SEM1: variants seen among roughly 807,000 people sequenced by gnomAD.
The protein encoded by SEM1 is SEM1 26S proteasome subunit, also known as 26S proteasome complex subunit SEM1.
In SEM1, 3 loss-of-function variants were observed where a neutral mutation model predicts 12.7. The observed-to-expected ratio is 0.24, with a 90% CI of 0.11 to 0.61. The LOEUF is 0.61. Among genes scored for constraint, SEM1 ranks in the 20% least tolerant of loss-of-function variants. The probability of loss-of-function intolerance (pLI) is 0.88; values close to 1 mark genes in which losing one functional copy is unlikely to be tolerated. For missense variants in SEM1, 59 were observed against 81.3 expected, an observed-to-expected ratio of 0.73 and a Z score of 1.06; for synonymous variants, 30 against 27.8, an observed-to-expected ratio of 1.08 and a Z score of -0.25.
At chr7:96,680,714 C>T (rs192844475) in intron 2 of SEM1, among the ~76,000 whole-genome samples, 4 of 152,130 alleles carry the variant, frequency 2.6e-5, no homozygotes, top group African/African-American at 7.2e-5. Flanking sequence ...AACATTATAG[C>T]GATTCTACCT....
intron 2 of SEM1, among the ~76,000 whole-genome samples, chr7:96,581,615 C>T (rs1307401905): frequency 6.6e-6 from 1 of 152,096 alleles, no homozygotes; most frequent in Non-Finnish European, 1.5e-5. Context: ...ATGGAATGTT[C>T]TTCCATTTCT....
intron 2 of SEM1, among the ~76,000 whole-genome samples, chr7:96,560,769 C>T (rs1805667953): frequency 6.6e-6 from 1 of 151,210 alleles, no homozygotes. Context: ...AATTGTTAAC[C>T]CCTATGGCAG....
At chr7:96,708,765 G>T (rs1204261837) in intron 1 of SEM1, among the ~76,000 whole-genome samples, 3 of 152,070 alleles carry the variant, frequency 2.0e-5, no homozygotes, top group African/African-American at 7.2e-5. Flanking sequence ...TAACCATTCC[G>T]AGCTTCAGTT....
chr7:96,501,241 C>T (rs10808100), upstream of SEM1, among the ~76,000 whole-genome samples: 109,342 of 151,984 alleles, frequency 0.72, 39,797 homozygotes, highest in East Asian at 0.87. Flanking sequence ...CTGAAAGCTA[C>T]GATGACATCC....
At chr7:96,684,440 TGAAA>T (rs1789703550), downstream of SEM1, among the ~76,000 whole-genome samples, 1 of 150,562 alleles carries the variant, frequency 6.6e-6, no homozygotes, top group Non-Finnish European at 1.5e-5. Flanking sequence ...TTGGCCCATG[TGAAA>T]GAAAGATGGA....
Position 96,703,579 on chromosome 7 carries a change from G to GA in SEM1, c.76+6108dup, listed in dbSNP as rs568099909. On this transcript the variant is annotated intron_variant, in intron 1 of 2. Transcript: ENST00000248566. Reference sequence around the variant, plus strand: ...GTAAACATATTCATTATCTGTAACAGAAAAAAAACAACAAAACCCAAGCAA... The same window carrying GA: ...GTAAACATATTCATTATCTGTAACAGAAAAAAAAACAACAAAACCCAAGCAA... Among the ~76,000 whole-genome samples the GA allele has an allele frequency of 2.1e-3, 321 of 149,756 alleles. 2 individuals are homozygous for GA. The highest frequency in any genetic ancestry group is 7.0e-3 in the Middle Eastern group (2 of 284).
rs939019663 is a variant in SEM1, at chr7:96,565,306, T to C, written c.171-58608A>G. Reference sequence around the variant, plus strand: ...AGAAAGTGAATTTACAAGCAAAGAGTTAGGTACTTTGTGCTCTAAAACTTC... The same window carrying C: ...AGAAAGTGAATTTACAAGCAAAGAGCTAGGTACTTTGTGCTCTAAAACTTC... On this transcript the variant is annotated intron_variant and NMD_transcript_variant, in intron 2 of 3. Transcript: ENST00000466986. Among the ~76,000 whole-genome samples, 141 of 151,848 alleles carry C rather than the reference T, an allele frequency of 9.3e-4. 1 individual carries two copies. Among genetic ancestry groups the C allele is most frequent in the Middle Eastern group, 3.4e-3 (1 of 294 alleles).
At chr7:96,659,779 GAATA>G (rs1788925352) in intron 2 of SEM1, among the ~76,000 whole-genome samples, 2 of 151,458 alleles carry the variant, frequency 1.3e-5, no homozygotes, top group Admixed American at 1.3e-4. Context: ...GAAATGAAAT[GAATA>G]CTTACAAACT....
chr7:96,505,264 G>A (rs1207573778), intron 3 of SEM1, among the ~76,000 whole-genome samples: 1 of 151,988 alleles, frequency 6.6e-6, no homozygotes, highest in East Asian at 1.9e-4. Context: ...ACCACGCCCA[G>A]CTAATTTTTT....
intron 2 of SEM1, among the ~76,000 whole-genome samples, chr7:96,520,599 C>T (rs533301709): frequency 6.6e-6 from 1 of 152,210 alleles, no homozygotes; most frequent in Middle Eastern, 3.4e-3. Context: ...CCTTGGTCCC[C>T]CAGTAAGGCT....
intron 2 of SEM1, among the ~76,000 whole-genome samples, chr7:96,603,578 G>A (rs567322217): frequency 1.3e-5 from 2 of 152,100 alleles, no homozygotes; most frequent in South Asian, 4.2e-4. Context: ...ACATAAAAAA[G>A]GTAGTTTTTT....
intron 2 of SEM1, among the ~76,000 whole-genome samples, chr7:96,588,464 A>G (rs561046769): frequency 1.1e-4 from 16 of 149,310 alleles, no homozygotes; most frequent in African/African-American, 3.9e-4. Flanking sequence ...TAGTGACAAC[A>G]TTAGGTTTGA....
intron 2 of SEM1, chr7:96,664,376 A>G (rs62470375): frequency 0.088 from 13,363 of 152,140 alleles, 739 homozygotes; most frequent in East Asian, 0.15. Context: ...ATTCACCATA[A>G]CATGAGGGCT....
chr7:96,484,743 G>T, intron 3 of SEM1: 1 of 768,748 alleles, frequency 1.3e-6, no homozygotes, highest in Non-Finnish European at 1.9e-6. Flanking sequence ...CAATTTCACT[G>T]GCATCACTGG....
intron 2 of SEM1, among the ~76,000 whole-genome samples, chr7:96,681,292 T>C (rs1789604078): frequency 6.6e-6 from 1 of 152,068 alleles, no homozygotes; most frequent in South Asian, 2.1e-4. Context: ...ATGATCTAAA[T>C]TTCAACAATG....
intron 2 of SEM1, among the ~76,000 whole-genome samples, chr7:96,691,037 C>G (rs62470382): frequency 0.099 from 14,988 of 152,148 alleles, 795 homozygotes; most frequent in East Asian, 0.14. Context: ...TCCCAAAGTG[C>G]TGGGGTTACA....
intron 2 of SEM1, among the ~76,000 whole-genome samples, chr7:96,541,574 T>C (rs1259367445): frequency 6.6e-6 from 1 of 151,700 alleles, no homozygotes; most frequent in Non-Finnish European, 1.5e-5. Flanking sequence ...TGACAGTTTC[T>C]CTTGTTGTGC....
chr7:96,622,444 A>G (rs1171392126), downstream of SEM1: 1 of 539,434 alleles, frequency 1.9e-6, no homozygotes, highest in East Asian at 2.8e-5. Flanking sequence ...ATTCAGGAGA[A>G]GTCAAGAAAT....
chr7:96,507,523 C>T lies in SEM1; in HGVS notation c.171-825G>A, dbSNP rs1803793202. Among the ~76,000 whole-genome samples the T allele has an allele frequency of 3.3e-5, 5 of 152,060 alleles. 1 individual carries two copies. The South Asian group carries it at 1.0e-3, about 31-fold the overall frequency. ...TGACCTAGGAAAAAATTAAGATTTA[C>T]CCAGGCAAGATGACCATTCTTAGTC... On this transcript the variant is annotated intron_variant and NMD_transcript_variant, in intron 2 of 3. Coordinates refer to the SEM1 transcript ENST00000466986.
Sources: gnomAD v4.1 joint callset for allele counts (sites outside exome capture counted in the v4.1 genomes callset) on GRCh38, gnomAD v4.1.1 for gene constraint, MANE v1.5 for transcripts, NCBI Gene and HGNC (gene_info 2026-07-23, HGNC 2026-07-21) for gene names.